Variants in CHSY3 observed in about 807,000 individuals in gnomAD.
CHSY3 encodes the protein N-acetylgalactosaminyl-proteoglycan 3-beta-glucuronosyltransferase 3.
In CHSY3, 35 loss-of-function variants were observed where a neutral mutation model predicts 67.2. The ratio of observed to expected loss-of-function variants is 0.52; its 90% CI spans 0.40 to 0.69. The LOEUF (loss-of-function observed/expected upper bound fraction) is 0.69. Ranked by LOEUF, CHSY3 falls within the 30% of genes least tolerant of loss-of-function variation. The probability of loss-of-function intolerance (pLI) is 0.00; values close to 1 mark genes in which losing one functional copy is unlikely to be tolerated. For missense variants in CHSY3, 1,069 were observed against 1,138.5 expected, an observed-to-expected ratio of 0.94 and a Z score of 0.88; for synonymous variants, 474 against 434.7, an observed-to-expected ratio of 1.09 and a Z score of -1.12.
intron 2 of CHSY3, among the ~76,000 whole-genome samples, chr5:130,143,810 GTATATA>G (rs61284287): frequency 0.092 from 5,186 of 56,410 alleles, 296 homozygotes; most frequent in Non-Finnish European, 0.11. Flanking sequence ...ATATATGTGT[GTATATA>G]TATATATATA....
chr5:129,958,619 C>T (rs1048756473), intron 2 of CHSY3, among the ~76,000 whole-genome samples: 1 of 152,172 alleles, frequency 6.6e-6, no homozygotes, highest in Admixed American at 6.6e-5. Context: ...AAGTCTCAAA[C>T]TCCTGAGTTC....
chr5:130,034,159 CTCTT>C (rs1764782146), intron 2 of CHSY3, among the ~76,000 whole-genome samples: 2 of 151,460 alleles, frequency 1.3e-5, no homozygotes, highest in South Asian at 4.2e-4. Flanking sequence ...TTAATTGTGT[CTCTT>C]TCTAATTTTT....
At chr5:130,044,791 G>A (rs754579910) in intron 2 of CHSY3, among the ~76,000 whole-genome samples, 5 of 152,052 alleles carry the variant, frequency 3.3e-5, no homozygotes, top group East Asian at 1.9e-4. Flanking sequence ...TACTGGAGGC[G>A]ACAAAGTCAA....
At chr5:129,990,616 C>T (rs1386939104) in intron 2 of CHSY3, among the ~76,000 whole-genome samples, 1 of 151,950 alleles carries the variant, frequency 6.6e-6, no homozygotes, top group African/African-American at 2.4e-5. Context: ...AAATATTATT[C>T]CAGTAGCATT....
chr5:130,021,855 A>C (rs1436869999), intron 2 of CHSY3, among the ~76,000 whole-genome samples: 2 of 152,164 alleles, frequency 1.3e-5, no homozygotes, highest in Non-Finnish European at 2.9e-5. Flanking sequence ...TTGGGGTTTC[A>C]ATAAAATTAA....
intron 2 of CHSY3, among the ~76,000 whole-genome samples, chr5:130,183,302 T>C (rs1770305080): frequency 6.6e-6 from 1 of 152,180 alleles, no homozygotes; most frequent in Non-Finnish European, 1.5e-5. Context: ...TAGCAGAAAG[T>C]CTTTTTGTTT....
rs32234 is a variant in CHSY3 at position 129,908,429 on chromosome 5, C to T, written c.1086+69C>T. On this transcript the variant is annotated intron_variant, in intron 2 of 2. Coordinates refer to ENST00000305031, the MANE Select transcript of CHSY3 (RefSeq NM_175856.5). ...CATGCCATTTTATAATCTAGGGCAG[C>T]GATTCTATTCATTCTCTCTGTATCT... 594,870 of 1,547,736 alleles carry T rather than the reference C, an allele frequency of 0.38. 118,397 individuals are homozygous for T. Among genetic ancestry groups the T allele is most frequent in the Non-Finnish European group, 0.41 (473,970 of 1,143,116 alleles).
chr5:129,979,830 A>C (rs1433277650), intron 2 of CHSY3, among the ~76,000 whole-genome samples: 29 of 152,174 alleles, frequency 1.9e-4, no homozygotes, highest in Admixed American at 1.9e-3. Context: ...AGAATGTTAT[A>C]TAGTTGGAAC....
intron 2 of CHSY3, among the ~76,000 whole-genome samples, chr5:129,976,387 A>G (rs4146656): frequency 0.51 from 77,957 of 151,930 alleles, 20,687 homozygotes; most frequent in Non-Finnish European, 0.59. Flanking sequence ...AAACCAGTTA[A>G]TAAATAGGGA....
At position 130,169,862 on chromosome 5, in the gene CHSY3, C is replaced by G. The variant is rs189183604; in HGVS notation, c.1087-14367C>G. 1.5e-3 allele frequency among the ~76,000 whole-genome samples: 229 copies of G among 152,112 alleles called. 1 individual carries two copies. Among genetic ancestry groups the G allele is most frequent in the South Asian group, 2.9e-3 (14 of 4,826 alleles). On this transcript the variant is annotated intron_variant, in intron 2 of 2. Coordinates refer to ENST00000305031, the MANE Select transcript of CHSY3 (RefSeq NM_175856.5). ...TCTGAAAGGGAGGTATGATTTTATG[C>G]GTGATCAGTGACATCATACACTCAT...
chr5:130,173,650 AT>A (rs1218258497), intron 2 of CHSY3, among the ~76,000 whole-genome samples: 3 of 152,126 alleles, frequency 2.0e-5, no homozygotes, highest in Non-Finnish European at 2.9e-5. Context: ...TATATGAAAA[AT>A]ATGCATACAG....
chr5:129,994,816 A>G (rs950943391), intron 2 of CHSY3, among the ~76,000 whole-genome samples: 1 of 140,994 alleles, frequency 7.1e-6, no homozygotes, highest in African/African-American at 2.6e-5. Flanking sequence ...CAAACACCGC[A>G]TGTTCTCACT....
At chr5:129,951,827 A>G (rs996084383) in intron 2 of CHSY3, among the ~76,000 whole-genome samples, 1 of 152,178 alleles carries the variant, frequency 6.6e-6, no homozygotes, top group Non-Finnish European at 1.5e-5. Context: ...TTCTCCAGGT[A>G]TGTAATATTT....
intron 2 of CHSY3, among the ~76,000 whole-genome samples, chr5:130,118,010 C>A (rs1767873181): frequency 6.6e-6 from 1 of 152,058 alleles, no homozygotes; most frequent in African/African-American, 2.4e-5. Flanking sequence ...CCTGTGAGAT[C>A]TGGTTGTTTA....
chr5:130,155,748 T>C (rs1769360404), intron 2 of CHSY3, among the ~76,000 whole-genome samples: 1 of 152,164 alleles, frequency 6.6e-6, no homozygotes, highest in South Asian at 2.1e-4. Flanking sequence ...AAGAGTCATA[T>C]TGAGGAATAT....
intron 2 of CHSY3, among the ~76,000 whole-genome samples, chr5:130,134,603 T>C (rs1179746768): frequency 1.3e-5 from 2 of 152,244 alleles, no homozygotes; most frequent in African/African-American, 2.4e-5. Flanking sequence ...CTAAAAACCA[T>C]TGATCATCTT....
At chr5:130,163,055 G>GCCCA (rs1015158994) in intron 2 of CHSY3, among the ~76,000 whole-genome samples, 4 of 152,136 alleles carry the variant, frequency 2.6e-5, no homozygotes, top group Non-Finnish European at 5.9e-5. Context: ...ACTTCGTGAT[G>GCCCA]CCCAGCCCTA....
At chr5:130,111,947 G>A (rs2149704272) in intron 2 of CHSY3, among the ~76,000 whole-genome samples, 2 of 152,170 alleles carry the variant, frequency 1.3e-5, no homozygotes, top group Middle Eastern at 6.8e-3. Flanking sequence ...CTCGTATCAT[G>A]TTTATGAGGA....
chr5:130,122,993 T>C (rs1768100616), intron 2 of CHSY3, among the ~76,000 whole-genome samples: 2 of 152,164 alleles, frequency 1.3e-5, no homozygotes, highest in African/African-American at 2.4e-5. Context: ...ACATTTTATA[T>C]TCTTGAAACA....
Sources: gnomAD v4.1 joint callset for allele counts (sites outside exome capture counted in the v4.1 genomes callset) on GRCh38, gnomAD v4.1.1 for gene constraint, MANE v1.5 for transcripts, NCBI Gene and HGNC (gene_info 2026-07-23, HGNC 2026-07-21) for gene names.